KHDRBS2: variants seen among roughly 807,000 people sequenced by gnomAD.
KHDRBS2 encodes the protein KH domain-containing, RNA-binding, signal transduction-associated protein 2.
In KHDRBS2, 26 loss-of-function variants were observed where a neutral mutation model predicts 44.3. The observed-to-expected ratio is 0.59, with a 90% confidence interval of 0.43 to 0.81. The LOEUF (loss-of-function observed/expected upper bound fraction) is 0.81. Among genes scored for constraint, KHDRBS2 ranks in the 40% least tolerant of loss-of-function variants. KHDRBS2 has a pLI of 0.00. For missense variants in KHDRBS2, 476 were observed against 433.1 expected, an observed-to-expected ratio of 1.10 and a Z score of -0.88; for synonymous variants, 194 against 151.1, an observed-to-expected ratio of 1.28 and a Z score of -2.08.
chr6:61,874,501 T>A (rs555334029), intron 6 of KHDRBS2, among the ~76,000 whole-genome samples: 15 of 152,286 alleles, frequency 9.8e-5, no homozygotes, highest in African/African-American at 3.6e-4. Context: ...CTACTACACA[T>A]ACACTTTATT....
chr6:62,154,429 A>T (rs1309747477), intron 2 of KHDRBS2, among the ~76,000 whole-genome samples: 1 of 152,222 alleles, frequency 6.6e-6, no homozygotes, highest in Non-Finnish European at 1.5e-5. Context: ...TAGTCAGATT[A>T]CTTCTTGAAG....
chr6:61,981,396 T>C (rs909252135), intron 3 of KHDRBS2, among the ~76,000 whole-genome samples: 5 of 152,178 alleles, frequency 3.3e-5, no homozygotes, highest in Admixed American at 2.6e-4. Flanking sequence ...TCCTACGCTT[T>C]ATGTTAACAT....
At chr6:61,941,189 C>T (rs1296223281) in intron 4 of KHDRBS2, among the ~76,000 whole-genome samples, 2 of 152,144 alleles carry the variant, frequency 1.3e-5, no homozygotes, top group African/African-American at 2.4e-5. Flanking sequence ...TGAACCTTCT[C>T]CAGGGGGACC....
At chr6:61,574,375 T>C in the KHDRBS2 span, 2 of 1,526,360 alleles carry the variant, frequency 1.3e-6, no homozygotes, top group Admixed American at 2.0e-5. Context: ...CCACTGCAAC[T>C]GACCTGCCCG....
At chr6:62,253,589 TA>T (rs1036009121) in intron 1 of KHDRBS2, among the ~76,000 whole-genome samples, 11 of 150,936 alleles carry the variant, frequency 7.3e-5, no homozygotes, top group South Asian at 2.1e-4. Flanking sequence ...TCTTTTCCTC[TA>T]AAAAAAAATC....
rs1781515037 is a variant in KHDRBS2, at chr6:62,017,965, GAC to G, written c.336+29911_336+29912del. ...TTATTCTCCACTGCAAGTTACCGAA[GAC>G]ACATGATTCCATTAATCATGTGCCA... On this transcript the variant is annotated intron_variant, in intron 3 of 8. Transcript: ENST00000281156. Among the ~76,000 whole-genome samples, 12 of 151,858 alleles carry G rather than the reference GAC, an allele frequency of 7.9e-5. No homozygotes were observed. In the South Asian group the frequency reaches 2.5e-3, roughly 32 times the overall value.
intron 6 of KHDRBS2, among the ~76,000 whole-genome samples, chr6:61,741,741 G>A (rs1006023151): frequency 1.3e-5 from 2 of 151,846 alleles, no homozygotes; most frequent in African/African-American, 4.8e-5. Context: ...ACATGTTTTT[G>A]TCAACTAAAG....
intron 6 of KHDRBS2, among the ~76,000 whole-genome samples, chr6:61,842,305 G>T (rs1793713824): frequency 6.6e-6 from 1 of 152,180 alleles, no homozygotes; most frequent in African/African-American, 2.4e-5. Context: ...TTGCTGCTGT[G>T]TAGGCTGACA....
At chr6:61,949,004 C>T (rs935975505) in intron 4 of KHDRBS2, among the ~76,000 whole-genome samples, 10 of 151,980 alleles carry the variant, frequency 6.6e-5, no homozygotes, top group Admixed American at 2.6e-4. Flanking sequence ...AGAAGAAACT[C>T]GACTATTCAG....
chr6:62,117,761 G>A (rs1388177140), intron 2 of KHDRBS2, among the ~76,000 whole-genome samples: 2 of 151,946 alleles, frequency 1.3e-5, no homozygotes, highest in Non-Finnish European at 2.9e-5. Context: ...AAATATTTAA[G>A]CCATTTTGAC....
intron 3 of KHDRBS2, among the ~76,000 whole-genome samples, chr6:62,002,991 A>G (rs1414853224): frequency 6.6e-6 from 1 of 152,124 alleles, no homozygotes; most frequent in Non-Finnish European, 1.5e-5. Flanking sequence ...ATTCATATGT[A>G]AAAATTTCAT....
chr6:62,002,458 G>T (rs1778434020), intron 3 of KHDRBS2, among the ~76,000 whole-genome samples: 1 of 151,176 alleles, frequency 6.6e-6, no homozygotes, highest in South Asian at 2.1e-4. Flanking sequence ...TATCATTTTT[G>T]CTATCTGTAA....
intron 1 of KHDRBS2, among the ~76,000 whole-genome samples, chr6:62,201,210 T>C (rs1203204996): frequency 2.6e-5 from 4 of 152,074 alleles, no homozygotes; most frequent in African/African-American, 7.2e-5. Context: ...GTTGTGCACA[T>C]GTACCCTAAA....
At chr6:62,174,424 T>C (rs1820691896) in intron 2 of KHDRBS2, among the ~76,000 whole-genome samples, 1 of 151,592 alleles carries the variant, frequency 6.6e-6, no homozygotes, top group South Asian at 2.1e-4. Flanking sequence ...CTGCTCAAAA[T>C]AATTTAATAT....
chr6:61,801,308 A>G (rs922036647), intron 6 of KHDRBS2, among the ~76,000 whole-genome samples: 2 of 152,132 alleles, frequency 1.3e-5, no homozygotes, highest in Non-Finnish European at 2.9e-5. Flanking sequence ...TACTACTTGG[A>G]GAACAGAATA....
intron 2 of KHDRBS2, among the ~76,000 whole-genome samples, chr6:62,144,513 G>A (rs184158671): frequency 6.7e-4 from 101 of 151,682 alleles, no homozygotes; most frequent in Non-Finnish European, 4.6e-4. Context: ...ACCTGTATAC[G>A]TAAATTCTAA....
At chr6:61,762,286 G>T (rs1380070636) in intron 6 of KHDRBS2, among the ~76,000 whole-genome samples, 1 of 152,130 alleles carries the variant, frequency 6.6e-6, no homozygotes, top group Non-Finnish European at 1.5e-5. Flanking sequence ...TTTTGACCTG[G>T]GAAGAGTCTA....
chr6:61,597,422 G>A, the KHDRBS2 span, among the ~76,000 whole-genome samples: 1 of 151,816 alleles, frequency 6.6e-6, no homozygotes, highest in Admixed American at 6.6e-5. Flanking sequence ...GGTGAACAAG[G>A]GACCCAAGAA....
At chr6:61,763,592 C>A (rs1320305225) in intron 6 of KHDRBS2, among the ~76,000 whole-genome samples, 2 of 152,024 alleles carry the variant, frequency 1.3e-5, no homozygotes, top group Non-Finnish European at 2.9e-5. Context: ...TGAAAATGGG[C>A]AAGTGTCCAG....
Sources: gnomAD v4.1 joint callset for allele counts (sites outside exome capture counted in the v4.1 genomes callset) on GRCh38, gnomAD v4.1.1 for gene constraint, MANE v1.5 for transcripts, NCBI Gene and HGNC (gene_info 2026-07-23, HGNC 2026-07-21) for gene names.